ZNF407: variants seen among roughly 807,000 people sequenced by gnomAD.
ZNF407 encodes the protein zinc finger protein 407.
In ZNF407, 17 loss-of-function variants were observed where a neutral mutation model predicts 131.2. That is an observed-to-expected ratio of 0.13 (90% CI 0.09 to 0.19). The LOEUF (loss-of-function observed/expected upper bound fraction) is 0.19, where lower values mean the gene tolerates loss of function less well. Ranked by LOEUF, ZNF407 falls within the 10% of genes least tolerant of loss-of-function variation. The pLI, the probability that ZNF407 is intolerant of heterozygous loss-of-function variation, is 1.00. For missense variants in ZNF407, 2,681 were observed against 2,830.6 expected, an observed-to-expected ratio of 0.95 and a Z score of 1.20; for synonymous variants, 1,156 against 1,062.0, an observed-to-expected ratio of 1.09 and a Z score of -1.72.
chr18:74,843,272 T>C (rs908753141), intron 4 of ZNF407, among the ~76,000 whole-genome samples: 4 of 152,194 alleles, frequency 2.6e-5, no homozygotes, highest in Admixed American at 2.0e-4. Context: ...AAACCAAATA[T>C]TTATATAAAT....
At chr18:74,801,792 G>A (rs542805533) in intron 4 of ZNF407, among the ~76,000 whole-genome samples, 8 of 152,192 alleles carry the variant, frequency 5.3e-5, no homozygotes, top group South Asian at 4.1e-4. Context: ...TTCAGTTACC[G>A]CTTAAATTGA....
At chr18:74,929,381 AAAACAG>A (rs1971955174) in intron 8 of ZNF407, among the ~76,000 whole-genome samples, 1 of 152,092 alleles carries the variant, frequency 6.6e-6, no homozygotes, top group Non-Finnish European at 1.5e-5. Context: ...TTTGAAAGTT[AAAACAG>A]TTAAAAAAAA....
intron 4 of ZNF407, among the ~76,000 whole-genome samples, chr18:74,822,662 G>T (rs1460482444): frequency 6.6e-6 from 1 of 152,040 alleles, no homozygotes; most frequent in Non-Finnish European, 1.5e-5. Flanking sequence ...ATTTTGGTTA[G>T]TGTAGCCTTG....
chr18:74,818,190 G>C (rs1293470130), intron 4 of ZNF407, among the ~76,000 whole-genome samples: 1 of 152,146 alleles, frequency 6.6e-6, no homozygotes, highest in African/African-American at 2.4e-5. Context: ...TGTCTCCCTT[G>C]TGTGTTAGTA....
chr18:75,047,513 G>C (rs1208827685), intron 8 of ZNF407, among the ~76,000 whole-genome samples: 2 of 152,134 alleles, frequency 1.3e-5, no homozygotes, highest in Non-Finnish European at 2.9e-5. Context: ...AGCAGGTTCT[G>C]TAATAGAGGC....
chr18:74,882,552 A>G (rs1394742154), intron 6 of ZNF407, among the ~76,000 whole-genome samples: 2 of 152,244 alleles, frequency 1.3e-5, no homozygotes, highest in Admixed American at 1.3e-4. Context: ...AATGCAAGCT[A>G]ATGCCAGCCA....
chr18:74,928,543 C>A (rs1971942225), intron 8 of ZNF407, among the ~76,000 whole-genome samples: 1 of 152,136 alleles, frequency 6.6e-6, no homozygotes, highest in African/African-American at 2.4e-5. Flanking sequence ...AGATGGCATT[C>A]CAGGGCCATT....
chr18:74,985,623 T>A (rs1972643734), intron 8 of ZNF407, among the ~76,000 whole-genome samples: 1 of 152,206 alleles, frequency 6.6e-6, no homozygotes, highest in Non-Finnish European at 1.5e-5. Flanking sequence ...CTCTAAATCA[T>A]TCCATTCTGG....
rs558920816 is a variant in ZNF407, at chr18:74,663,742, G to T, written c.4802+22620G>T. Among the ~76,000 whole-genome samples, 3 of 152,302 alleles carry T rather than the reference G, an allele frequency of 2.0e-5. No homozygotes were observed. In the South Asian group the frequency reaches 6.2e-4, roughly 32 times the overall value. On this transcript the variant is annotated intron_variant, in intron 3 of 8. Coordinates refer to ENST00000299687, the MANE Select transcript of ZNF407 (RefSeq NM_017757.3). ...GTACCAAGAAGGTGACAAGATGCTG[G>T]AAGAACTCACATCAGATGAAGATCT... is the stretch of plus-strand genomic sequence containing the variant.
intron 3 of ZNF407, among the ~76,000 whole-genome samples, chr18:74,705,493 T>G (rs967864542): frequency 2.0e-5 from 3 of 152,352 alleles, no homozygotes; most frequent in Admixed American, 2.0e-4. Context: ...AGATAATAAT[T>G]GTAATTAAAA....
chr18:74,762,152 G>A (rs994931462), intron 3 of ZNF407, among the ~76,000 whole-genome samples: 1 of 151,502 alleles, frequency 6.6e-6, no homozygotes, highest in Non-Finnish European at 1.5e-5. Context: ...TTATCCTTTC[G>A]TAGTACCATA....
At chr18:74,603,385 G>A (rs1982666538) in intron 1 of ZNF407, among the ~76,000 whole-genome samples, 1 of 152,234 alleles carries the variant, frequency 6.6e-6, no homozygotes, top group Non-Finnish European at 1.5e-5. Flanking sequence ...TGATGCCTCA[G>A]ACTCTAGGGC....
chr18:74,878,313 A>C (rs1258586654), intron 5 of ZNF407, among the ~76,000 whole-genome samples: 1 of 152,196 alleles, frequency 6.6e-6, no homozygotes, highest in Admixed American at 6.5e-5. Context: ...CATTTTAATC[A>C]GCATTCCAAA....
At chr18:74,898,405 T>C (rs926738421) in intron 7 of ZNF407, 1 of 152,250 alleles carries the variant, frequency 6.6e-6, no homozygotes, top group Non-Finnish European at 1.5e-5. Context: ...GAAAAAGAAC[T>C]ACTTCTGAGG....
intron 5 of ZNF407, among the ~76,000 whole-genome samples, chr18:74,879,128 T>G (rs923333030): frequency 6.6e-6 from 1 of 152,162 alleles, no homozygotes; most frequent in African/African-American, 2.4e-5. Context: ...AAAGCATATA[T>G]GTAAGTATGC....
chr18:74,800,269 T>C (rs1969997030), intron 4 of ZNF407, among the ~76,000 whole-genome samples: 1 of 152,140 alleles, frequency 6.6e-6, no homozygotes, highest in Non-Finnish European at 1.5e-5. Flanking sequence ...ATGCTTCTAT[T>C]GTAGTTTTGT....
chr18:75,053,456 A>G (rs1194188088), intron 8 of ZNF407, among the ~76,000 whole-genome samples: 1 of 152,140 alleles, frequency 6.6e-6, no homozygotes. Flanking sequence ...AACAGCTGCC[A>G]CTTCACTCAG....
In ZNF407 at chr18:75,063,939, A is replaced by G; in HGVS notation, c.6218A>G (p.Gln2073Arg). 3 of 1,613,782 alleles carry G rather than the reference A, an allele frequency of 1.9e-6. No homozygotes were observed. The highest frequency in any genetic ancestry group is 2.5e-6 in the Non-Finnish European group (3 of 1,179,860). ...GCCATGGCCTCTCAGGAGCGGGCAC[A>G]GGTGGCCTTCAAGAAGATGGTCCAG... ...SAAMASQERAQVAFKKMVQGV... is the reference protein window; with the variant it reads ...SAAMASQERARVAFKKMVQGV... Residue 2073 changes from glutamine (Q) to arginine (R), a missense_variant, in exon 9 of 9, where the codon CAG becomes CGG. Around this residue, in one of 6 missense-constraint regions of ZNF407, gnomAD observed 620 missense variants for 583.1 expected, o/e 1.06. Transcript: ENST00000299687. This position sits in a 1 kb window ranked among gnomAD's most constrained non-coding sequence, Gnocchi z 6.6.
chr18:74,769,494 A>G (rs796409341), intron 3 of ZNF407, among the ~76,000 whole-genome samples: 6 of 152,354 alleles, frequency 3.9e-5, no homozygotes, highest in African/African-American at 1.4e-4. Flanking sequence ...ATTCATAAAC[A>G]TGTCTCATAG....
Sources: gnomAD v4.1 joint callset for allele counts (sites outside exome capture counted in the v4.1 genomes callset) on GRCh38, gnomAD v4.1.1 for gene constraint, gnomAD v4.1.1 regional missense constraint, Gnocchi (gnomAD v3.1) non-coding constraint, MANE v1.5 for transcripts, NCBI Gene and HGNC (gene_info 2026-07-23, HGNC 2026-07-21) for gene names.